Variants in CD44 observed in about 807,000 individuals in gnomAD.
CD44 encodes CD44 antigen.
In CD44, 49 loss-of-function variants were observed where a neutral mutation model predicts 88.8. The ratio of observed to expected loss-of-function variants is 0.55; its 90% CI spans 0.44 to 0.70. The LOEUF is 0.70. CD44 is among the 30% of genes least tolerant of loss of function. The probability of loss-of-function intolerance (pLI) is 0.00; values close to 1 mark genes in which losing one functional copy is unlikely to be tolerated. For synonymous variants in CD44, 325 were observed against 312.3 expected, an observed-to-expected ratio of 1.04 and a Z score of -0.43; for missense variants, 883 against 913.8, an observed-to-expected ratio of 0.97 and a Z score of 0.43.
intron 9 of CD44, among the ~76,000 whole-genome samples, chr11:35,203,865 T>C (rs575244670): frequency 2.6e-5 from 4 of 152,330 alleles, no homozygotes; most frequent in African/African-American, 9.6e-5. Flanking sequence ...CTATTATTTA[T>C]ATAATGCCTC....
intron 4 of CD44, among the ~76,000 whole-genome samples, chr11:35,188,449 A>T (rs1945913876): frequency 6.6e-6 from 1 of 152,240 alleles, no homozygotes; most frequent in Non-Finnish European, 1.5e-5. Context: ...TTTGTAAAAG[A>T]CACTATGTCT....
intron 1 of CD44, among the ~76,000 whole-genome samples, chr11:35,156,247 C>G (rs1941849982): frequency 6.6e-6 from 1 of 152,176 alleles, no homozygotes; most frequent in Admixed American, 6.5e-5. Flanking sequence ...GGAGGGTTTT[C>G]TGAGCCAGTC....
At chr11:35,223,027 C>T (rs11607862) in intron 17 of CD44, 277,378 of 984,292 alleles carry the variant, frequency 0.28, 40,828 homozygotes, top group South Asian at 0.47. Flanking sequence ...GATGCTGTTA[C>T]AATAATTACG....
chr11:35,189,535 C>T (rs1946061973), intron 4 of CD44, among the ~76,000 whole-genome samples: 1 of 152,138 alleles, frequency 6.6e-6, no homozygotes, highest in Admixed American at 6.5e-5. Context: ...CACATAATCC[C>T]CATTTTACAA....
chr11:35,179,859 G>T (rs1944823688), intron 2 of CD44, among the ~76,000 whole-genome samples: 1 of 152,186 alleles, frequency 6.6e-6, no homozygotes, highest in African/African-American at 2.4e-5. Flanking sequence ...CCTATCTATG[G>T]AAGCTGGCCA....
chr11:35,155,492 TG>T (rs1443784681), intron 1 of CD44, among the ~76,000 whole-genome samples: 3 of 152,250 alleles, frequency 2.0e-5, no homozygotes, highest in African/African-American at 7.2e-5. Flanking sequence ...AGAGCTCACA[TG>T]GGGGACACAC....
intron 14 of CD44, chr11:35,213,792 C>T (rs184407851): frequency 6.6e-6 from 1 of 152,196 alleles, no homozygotes; most frequent in African/African-American, 2.4e-5. Flanking sequence ...GGCATTTCAG[C>T]AAATGTTGTT....
intron 3 of CD44, among the ~76,000 whole-genome samples, chr11:35,185,547 AGTCT>A (rs939020706): frequency 6.6e-6 from 1 of 151,632 alleles, no homozygotes; most frequent in African/African-American, 2.4e-5. Context: ...TTGTGATAGC[AGTCT>A]GTCTGTCTGC....
At position 35,231,782 on chromosome 11, in the gene CD44, TTA is replaced by T. The variant is rs1950070171; in HGVS notation, c.*2452_*2453del. ...GGGCTAAGTCATTTAAACTGGGTCT[TTA>T]TAAAAGTAAAAGGCCAACATTTAAT... On this transcript the variant is annotated 3_prime_UTR_variant, in exon 18 of 18. Transcript: ENST00000428726. 1 of 152,222 alleles carries T rather than the reference TTA, an allele frequency of 6.6e-6. No homozygotes were observed. The highest frequency in any genetic ancestry group is 6.5e-5 in the Admixed American group (1 of 15,286). The allele number at this position is 152,222 out of a possible 1,614,324, so 9.4% of individuals were successfully genotyped here.
chr11:35,204,627 A>G lies in CD44; in HGVS notation c.1269A>G (p.Thr423=), dbSNP rs774306289. ...RQTPKEDSHS[T]TGTAAASAHT... is the part of the protein sequence containing the mutation. ...CACCCAAAGAAGACTCCCATTCGAC[A>G]ACAGGGACAGCTGGTAATGGATGGT... The change falls in exon 10 of 18, where the codon ACA becomes ACG. Residue 423 remains threonine (T), a synonymous_variant. Coordinates refer to ENST00000428726, the MANE Select transcript of CD44 (RefSeq NM_000610.4). 3 of 1,613,234 alleles carry G rather than the reference A, an allele frequency of 1.9e-6. No homozygotes were observed. Among genetic ancestry groups the G allele is most frequent in the Non-Finnish European group, 1.7e-6 (2 of 1,179,322 alleles).
chr11:35,150,715 A>G (rs1398026331), intron 1 of CD44, among the ~76,000 whole-genome samples: 1 of 152,210 alleles, frequency 6.6e-6, no homozygotes, highest in Non-Finnish European at 1.5e-5. Flanking sequence ...CGGTTCAGTC[A>G]TCTGTCTCTC....
At chr11:35,211,177 T>C in intron 13 of CD44, 69 bp from the exon 14 acceptor site, 1 of 1,196,942 alleles carries the variant, frequency 8.4e-7, no homozygotes, top group Admixed American at 1.7e-5. Flanking sequence ...TTGTGTGTTC[T>C]GGAGACAAGC....
At chr11:35,214,956 TG>T in intron 15 of CD44, 42 bp downstream of exon 15, 9 of 1,290,554 alleles carry the variant, frequency 7.0e-6, no homozygotes, top group Non-Finnish European at 9.6e-6. Flanking sequence ...TTATAATCAT[TG>T]AGCCTAATGA....
chr11:35,145,232 A>C (rs1188729745), intron 1 of CD44, among the ~76,000 whole-genome samples: 1 of 152,186 alleles, frequency 6.6e-6, no homozygotes. Flanking sequence ...TGTCACATTC[A>C]TTTTTGTGGG....
chr11:35,186,234 G>A (rs1945665686), intron 3 of CD44, among the ~76,000 whole-genome samples: 1 of 152,136 alleles, frequency 6.6e-6, no homozygotes, highest in Admixed American at 6.5e-5. Context: ...ATTAATGAAA[G>A]ACTAGAGATT....
Position 35,163,045 on chromosome 11 carries a change from C to T in CD44, c.68-13530C>T, listed in dbSNP as rs187608195. ...AAATCAGTGGAAATTTAGAGCTCTA[C>T]TTTGTCACTTGTAATGCTTTGTTGT... On this transcript the variant is annotated intron_variant, in intron 1 of 17. Coordinates refer to ENST00000428726, the MANE Select transcript of CD44 (RefSeq NM_000610.4). Among the ~76,000 whole-genome samples the T allele has an allele frequency of 4.3e-3, 648 of 152,234 alleles. 4 individuals carry two copies. The highest frequency in any genetic ancestry group is 5.9e-3 in the Non-Finnish European group (400 of 68,014).
intron 9 of CD44, among the ~76,000 whole-genome samples, chr11:35,203,392 G>C (rs968051057): frequency 1.6e-4 from 25 of 152,046 alleles, no homozygotes; most frequent in Admixed American, 1.6e-3. Context: ...GTTTGGGTCA[G>C]TTTTCCCTTT....
intron 2 of CD44, among the ~76,000 whole-genome samples, chr11:35,178,313 A>G (rs1421514580): frequency 2.0e-5 from 3 of 152,258 alleles, no homozygotes; most frequent in Admixed American, 6.5e-5. Context: ...ATCATCAAGC[A>G]CTTAGATGCT....
intron 1 of CD44, among the ~76,000 whole-genome samples, chr11:35,155,132 A>G (rs1565019120): frequency 6.6e-6 from 1 of 152,106 alleles, no homozygotes; most frequent in Non-Finnish European, 1.5e-5. Context: ...CTTATTTCTC[A>G]TTGGATGAAT....
Sources: gnomAD v4.1 joint callset for allele counts (sites outside exome capture counted in the v4.1 genomes callset) on GRCh38, gnomAD v4.1.1 for gene constraint, MANE v1.5 for transcripts, NCBI Gene and HGNC (gene_info 2026-07-23, HGNC 2026-07-21) for gene names.